Variants in CAMK1D observed in about 807,000 individuals in gnomAD.
CAMK1D encodes calcium/calmodulin-dependent protein kinase type 1D.
Under a neutral mutation model 47.7 loss-of-function variants are expected in CAMK1D, and 9 were observed. That is an observed-to-expected ratio of 0.19 (90% confidence interval 0.11 to 0.33). The LOEUF is 0.33. CAMK1D is among the 10% of genes least tolerant of loss of function. The pLI is 1.00. For missense variants in CAMK1D, 291 were observed against 488.7 expected, an observed-to-expected ratio of 0.60 and a Z score of 3.81; for synonymous variants, 184 against 184.9, an observed-to-expected ratio of 0.99 and a Z score of 0.04.
chr10:12,814,885 G>A (rs540908044), intron 7 of CAMK1D, among the ~76,000 whole-genome samples: 1 of 152,276 alleles, frequency 6.6e-6, no homozygotes, highest in Admixed American at 6.5e-5. Context: ...CTCGAGCCAC[G>A]CTGAGAGATG....
At chr10:12,729,686 G>A (rs1488667638) in intron 3 of CAMK1D, among the ~76,000 whole-genome samples, 1 of 152,126 alleles carries the variant, frequency 6.6e-6, no homozygotes, top group African/African-American at 2.4e-5. Flanking sequence ...TTAAATATTC[G>A]AGGAGGAGGG....
intron 1 of CAMK1D, among the ~76,000 whole-genome samples, chr10:12,493,204 A>G (rs1456958733): frequency 6.6e-6 from 1 of 152,168 alleles, no homozygotes; most frequent in Non-Finnish European, 1.5e-5. Context: ...GGTGTGTCCT[A>G]TAAGAAGTGG....
chr10:12,451,001 C>A (rs986521254), intron 1 of CAMK1D, among the ~76,000 whole-genome samples: 2 of 152,106 alleles, frequency 1.3e-5, no homozygotes, highest in Admixed American at 1.3e-4. Flanking sequence ...TAGACCTGCC[C>A]GCCATGTAAG....
intron 5 of CAMK1D, among the ~76,000 whole-genome samples, chr10:12,781,592 C>A (rs1331315759): frequency 1.3e-5 from 2 of 151,962 alleles, no homozygotes; most frequent in African/African-American, 4.8e-5. Flanking sequence ...ACTTCTCATG[C>A]CTGTGGTGAA....
chr10:12,615,964 GTA>G (rs1168373100), intron 2 of CAMK1D, among the ~76,000 whole-genome samples: 4 of 151,242 alleles, frequency 2.6e-5, no homozygotes, highest in African/African-American at 9.7e-5. Flanking sequence ...GCATAGGTGT[GTA>G]TGTGTGCATG....
chr10:12,564,816 T>A (rs544905516), intron 2 of CAMK1D, among the ~76,000 whole-genome samples: 3 of 152,336 alleles, frequency 2.0e-5, no homozygotes, highest in African/African-American at 7.2e-5. Context: ...GTGTTTTTGG[T>A]TCTTGTCAAA....
At chr10:12,744,030 A>C (rs1835554004) in intron 3 of CAMK1D, among the ~76,000 whole-genome samples, 1 of 151,968 alleles carries the variant, frequency 6.6e-6, no homozygotes, top group African/African-American at 2.4e-5. Context: ...TTCAAAAAAA[A>C]AAAAAAAAAT....
At chr10:12,527,305 AT>A (rs1461203459) in intron 1 of CAMK1D, among the ~76,000 whole-genome samples, 2 of 144,000 alleles carry the variant, frequency 1.4e-5, no homozygotes, top group Non-Finnish European at 3.0e-5. Flanking sequence ...TTTTCTTGGA[AT>A]TTTTGGTGTC....
chr10:12,415,637 G>T (rs1839820215), intron 1 of CAMK1D, among the ~76,000 whole-genome samples: 1 of 151,156 alleles, frequency 6.6e-6, no homozygotes, highest in South Asian at 2.1e-4. Flanking sequence ...TTTCTTCCAT[G>T]TTACATGTTC....
At chr10:12,659,283 A>C (rs918895598) in intron 2 of CAMK1D, among the ~76,000 whole-genome samples, 1 of 152,182 alleles carries the variant, frequency 6.6e-6, no homozygotes, top group African/African-American at 2.4e-5. Flanking sequence ...TCATGCTAAG[A>C]AGTTTTATCA....
At chr10:12,511,610 CA>C (rs1333200368) in intron 1 of CAMK1D, among the ~76,000 whole-genome samples, 3 of 152,122 alleles carry the variant, frequency 2.0e-5, no homozygotes, top group African/African-American at 7.2e-5. Flanking sequence ...GACCCTGTCT[CA>C]AAAAACGAAC....
chr10:12,457,841 TA>T (rs1407634091), intron 1 of CAMK1D, among the ~76,000 whole-genome samples: 1 of 151,104 alleles, frequency 6.6e-6, no homozygotes, highest in Admixed American at 6.6e-5. Context: ...AATTTACTTA[TA>T]TTTGCATCAA....
Position 12,421,511 on chromosome 10 carries a change from CTTTTTTTTTTT to C in CAMK1D, c.92+71623_92+71633del, listed in dbSNP as rs71384322. Among the ~76,000 whole-genome samples the C allele has an allele frequency of 1.9e-3, 97 of 50,746 alleles. No individual in the cohort carries two copies. The East Asian group carries it at 0.02, about 11-fold the overall frequency. 33.3% of individuals were successfully genotyped at this position (50,746 alleles called of 152,430 possible). A position where few individuals can be genotyped will look rare whatever the true frequency, so the allele number is the denominator to read the frequency against. On this transcript the variant is annotated intron_variant, in intron 1 of 10. Coordinates refer to ENST00000619168, the MANE Select transcript of CAMK1D (RefSeq NM_153498.4). ...CATGCTGGGCCATTTATCCAGGATTCTTTTTTTTTTTTTTTTTTTTTTTTTTTTTTTTGAGA... is the reference window on the plus strand; with the variant it reads ...CATGCTGGGCCATTTATCCAGGATTCTTTTTTTTTTTTTTTTTTTTTGAGA...
intron 3 of CAMK1D, among the ~76,000 whole-genome samples, chr10:12,701,134 A>G (rs1050378219): frequency 1.2e-4 from 17 of 138,992 alleles, no homozygotes; most frequent in Non-Finnish European, 1.7e-4. Flanking sequence ...TTTTTTTGAG[A>G]TGGAATTTAC....
intron 1 of CAMK1D, among the ~76,000 whole-genome samples, chr10:12,392,086 T>C (rs1335055267): frequency 1.3e-5 from 2 of 151,970 alleles, no homozygotes; most frequent in African/African-American, 4.8e-5. Flanking sequence ...GTGGATCACC[T>C]GTGGTCAGGA....
rs547328818 is a variant in CAMK1D at position 12,783,099 on chromosome 10, TCTC to T, written c.566-8056_566-8054del. Reference sequence around the variant, plus strand: ...CCTCCACCTCCTCGGTCCAAGCAGTTCTCCTGCCTCAGCCTCCAGAGTAGCTGG... The same window carrying T: ...CCTCCACCTCCTCGGTCCAAGCAGTTCTGCCTCAGCCTCCAGAGTAGCTGG... On this transcript the variant is annotated intron_variant, in intron 5 of 10. Coordinates refer to ENST00000619168, the MANE Select transcript of CAMK1D (RefSeq NM_153498.4). 4.6e-3 allele frequency among the ~76,000 whole-genome samples: 700 copies of T among 151,930 alleles called. 9 individuals are homozygous for T. Among genetic ancestry groups the T allele is most frequent in the African/African-American group, 0.016 (662 of 41,376 alleles).
intron 1 of CAMK1D, among the ~76,000 whole-genome samples, chr10:12,354,571 G>T (rs550974235): frequency 2.9e-5 from 2 of 69,388 alleles, no homozygotes; most frequent in South Asian, 6.8e-4. Context: ...ACCACACCCG[G>T]CTAATTTTTT....
chr10:12,564,718 A>G (rs773165592), intron 2 of CAMK1D, among the ~76,000 whole-genome samples: 4 of 152,236 alleles, frequency 2.6e-5, no homozygotes, highest in Non-Finnish European at 5.9e-5. Context: ...AGTTTTGACT[A>G]TATGATATGG....
At chr10:12,539,002 A>G (rs1182864086) in intron 1 of CAMK1D, among the ~76,000 whole-genome samples, 1 of 152,132 alleles carries the variant, frequency 6.6e-6, no homozygotes, top group Non-Finnish European at 1.5e-5. Flanking sequence ...CCTGTCCTCA[A>G]GCAATCCTCC....
Sources: gnomAD v4.1 joint callset for allele counts (sites outside exome capture counted in the v4.1 genomes callset) on GRCh38, gnomAD v4.1.1 for gene constraint, MANE v1.5 for transcripts, NCBI Gene and HGNC (gene_info 2026-07-23, HGNC 2026-07-21) for gene names.